XBP1: variants seen among roughly 807,000 people sequenced by gnomAD.
The protein encoded by XBP1 is X-box-binding protein 1.
Under a neutral mutation model 34.6 loss-of-function variants are expected in XBP1, and 18 were observed. That is an observed-to-expected ratio of 0.52 (90% CI 0.36 to 0.77). The LOEUF is 0.77. Among genes scored for constraint, XBP1 ranks in the 30% least tolerant of loss-of-function variants. XBP1 has a pLI of 0.00. For synonymous variants in XBP1, 191 were observed against 193.4 expected (o/e 0.99, Z 0.11); for missense variants, 422 against 464.6 (o/e 0.91, Z 0.84).
chr22:28,799,931 T>C (rs2031836163), intron 1 of XBP1: 3 of 776,142 alleles, frequency 3.9e-6, no homozygotes, highest in Admixed American at 1.7e-5. Context: ...TCTCCAGAAA[T>C]AGCAGTAAAC....
At chr22:28,799,965 G>C in intron 1 of XBP1, 1 of 779,312 alleles carries the variant, frequency 1.3e-6, no homozygotes, top group East Asian at 2.4e-5. Flanking sequence ...TCGACCTCAT[G>C]TCCGAGTTAA....
intron 2 of XBP1, among the ~76,000 whole-genome samples, chr22:28,798,511 G>A (rs1197894937): frequency 3.3e-5 from 5 of 151,768 alleles, no homozygotes; most frequent in African/African-American, 9.7e-5. Flanking sequence ...GTTTCACCAC[G>A]TTGGTCAGGC....
chr22:28,799,777 C>T (rs1457101871), intron 1 of XBP1, among the ~76,000 whole-genome samples: 2 of 152,186 alleles, frequency 1.3e-5, no homozygotes, highest in Non-Finnish European at 2.9e-5. Context: ...GGACTAAGTG[C>T]TAGGCACATT....
chr22:28,800,198 C>A lies in XBP1; in HGVS notation c.227+100G>T. 4.4e-6 allele frequency: 6 copies of A among 1,365,322 alleles called. No homozygotes were observed. In the East Asian group the frequency reaches 7.6e-5, roughly 17 times the overall value. 84.6% of individuals were successfully genotyped at this position (1,365,322 alleles called of 1,614,324 possible). Reference sequence around the variant, plus strand: ...CCAGGCCAAAGGCGACGGAGCCCTGCGGGGCGGCCAGTGCTGGGTCCCCGC... The same window carrying A: ...CCAGGCCAAAGGCGACGGAGCCCTGAGGGGCGGCCAGTGCTGGGTCCCCGC... On this transcript the variant is annotated intron_variant, in intron 1 of 5. Coordinates refer to ENST00000344347, the Ensembl canonical transcript of XBP1.
chr22:28,798,462 C>T lies in XBP1; in HGVS notation c.324+595G>A, dbSNP rs577988304. ...CAGCTGGGATTACAGGTGCCTGCCA[C>T]GACACCCGGCTAATTTTTGTATTTT... On this transcript the variant is annotated intron_variant, in intron 2 of 5. Coordinates refer to ENST00000344347, the Ensembl canonical transcript of XBP1. 1.5e-4 allele frequency among the ~76,000 whole-genome samples: 23 copies of T among 151,518 alleles called. No individual in the cohort carries two copies. In the South Asian group the frequency reaches 3.6e-3, roughly 23 times the overall value.
chr22:28,795,465 T>C, exon 6 of XBP1: 1 of 1,613,242 alleles, frequency 6.2e-7, no homozygotes. Flanking sequence ...TCCTCGATTT[T>C]CACTACCACA....
exon 6 of XBP1, chr22:28,795,642 G>A (rs762279821): frequency 6.2e-7 from 1 of 1,609,670 alleles, no homozygotes; most frequent in South Asian, 1.1e-5. Context: ...TAGACCTCTG[G>A]GAGCTCCTCC....
Position 28,797,030 on chromosome 22 carries a change from T to C in XBP1, c.453+47A>G, listed in dbSNP as rs544264366. On this transcript the variant is annotated intron_variant, in intron 3 of 5. Coordinates refer to ENST00000344347, the Ensembl canonical transcript of XBP1. ...AAACATAATCGCTGGGTCATGTCAC[T>C]TGGAACCAGTACTCACATGAGGCAC... 1.4e-4 allele frequency: 213 copies of C among 1,564,256 alleles called. 4 individuals carry two copies. In the South Asian group the frequency reaches 2.5e-3, roughly 18 times the overall value.
chr22:28,795,703 G>A, exon 6 of XBP1: 1 of 1,551,000 alleles, frequency 6.4e-7, no homozygotes, highest in Non-Finnish European at 8.7e-7. Context: ...CTGGGTCCAA[G>A]TTGTCCAGAA....
intron 3 of XBP1, 28 bp downstream of exon 3, chr22:28,797,049 G>A (rs369855601): frequency 1.3e-6 from 2 of 1,594,128 alleles, no homozygotes; most frequent in Non-Finnish European, 8.5e-7. Flanking sequence ...GTACTCACAT[G>A]AGGCACCAAA....
intron 2 of XBP1, among the ~76,000 whole-genome samples, chr22:28,798,611 CT>C (rs35567823): frequency 0.44 from 61,919 of 141,018 alleles, 15,364 homozygotes; most frequent in African/African-American, 0.69. Context: ...GCCCAGCAAA[CT>C]TTTTTTTTTT....
At chr22:28,797,516 C>T (rs369372362) in intron 2 of XBP1, among the ~76,000 whole-genome samples, 1 of 151,924 alleles carries the variant, frequency 6.6e-6, no homozygotes, top group Admixed American at 6.6e-5. Context: ...CTCGGTGGCT[C>T]ACACTTGTAA....
intron 2 of XBP1, among the ~76,000 whole-genome samples, chr22:28,798,415 TCTC>T (rs1987885402): frequency 6.8e-6 from 1 of 146,824 alleles, no homozygotes; most frequent in African/African-American, 2.6e-5. Context: ...TTCAAGTGAT[TCTC>T]CTGCGTCAGC....
exon 1 of XBP1, chr22:28,800,501 C>A (rs1338241784): frequency 1.3e-6 from 2 of 1,487,532 alleles, no homozygotes; most frequent in South Asian, 1.3e-5. Context: ...CGGCCGGGTT[C>A]GGCGCGGCTG....
chr22:28,795,437 G>C lies in XBP1; in HGVS notation c.869C>G (p.Ser290Ter). 1 of 1,596,054 alleles carries C rather than the reference G, an allele frequency of 6.3e-7. No homozygotes were observed. Among genetic ancestry groups the C allele is most frequent in the Non-Finnish European group, 8.5e-7 (1 of 1,170,956 alleles). ...AATGAATTCAGGGTGATCATTCTCTGAGGGGCTGAGAGGTGCTTCCTCGAT... is the reference window on the plus strand; with the variant it reads ...AATGAATTCAGGGTGATCATTCTCTCAGGGGCTGAGAGGTGCTTCCTCGAT... Residue 290 changes from serine (S) to a stop codon, truncating the protein, a stop_gained, in exon 6 of 6, where the codon TCA becomes TGA. Coordinates refer to ENST00000344347, the Ensembl canonical transcript of XBP1. LOFTEE classifies it high-confidence loss of function.
At chr22:28,795,820 T>TA (rs1374708335) in intron 5 of XBP1, 88 bp from the exon 6 acceptor site, 2 of 1,381,296 alleles carry the variant, frequency 1.4e-6, no homozygotes. Flanking sequence ...TTCCATAATG[T>TA]AAATTAGTCA....
At position 28,797,068 on chromosome 22, in the gene XBP1, A is replaced by G; in HGVS notation, c.453+9T>C. 6.2e-7 allele frequency: 1 copy of G among 1,602,642 alleles called. No homozygotes were observed. Among genetic ancestry groups the G allele is most frequent in the Non-Finnish European group, 8.5e-7 (1 of 1,177,254 alleles). ...TCACATGAGGCACCAAATAAAGGAGATGATTTACCTTGGCTTCCGCCTCCT... is the reference window on the plus strand; with the variant it reads ...TCACATGAGGCACCAAATAAAGGAGGTGATTTACCTTGGCTTCCGCCTCCT... On this transcript the variant is annotated intron_variant, in intron 3 of 5. Transcript: ENST00000344347.
At chr22:28,795,985 A>G (rs1030629703) in intron 5 of XBP1, 62 bp downstream of exon 5, 1 of 1,599,062 alleles carries the variant, frequency 6.3e-7, no homozygotes, top group Non-Finnish European at 8.6e-7. Context: ...AGGGATGTCA[A>G]GCATCAAACA....
At chr22:28,795,754 T>G (rs2031738479) in intron 5 of XBP1, 22 bp from the exon 6 acceptor site, 1 of 1,519,382 alleles carries the variant, frequency 6.6e-7, no homozygotes, top group Admixed American at 2.3e-5. Flanking sequence ...AAAAATTAAA[T>G]GAAGTACAAC....
Sources: allele counts gnomAD v4.1 joint callset (sites outside exome capture counted in the v4.1 genomes callset), GRCh38; gene constraint gnomAD v4.1.1; transcripts MANE v1.5; gene names NCBI Gene and HGNC (gene_info 2026-07-23, HGNC 2026-07-21).